The following KDM1A variants were observed in gnomAD, a reference collection of about 807,000 sequenced individuals.
The protein encoded by KDM1A is lysine demethylase 1A.
A neutral mutation model predicts 109.4 loss-of-function variants in KDM1A; 49 were observed. That is an observed-to-expected ratio of 0.45 (90% CI 0.36 to 0.57). The LOEUF (loss-of-function observed/expected upper bound fraction) is 0.57. Ranked by LOEUF, KDM1A falls within the 20% of genes least tolerant of loss-of-function variation. KDM1A has a pLI of 0.00. For missense variants in KDM1A, 668 were observed against 1,116.6 expected (o/e 0.60, Z 5.73); for synonymous variants, 380 against 415.4 (o/e 0.91, Z 1.04).
At chr1:23,081,663 T>TC in intron 19 of KDM1A, 90 bp downstream of exon 19, 1 of 1,461,434 alleles carries the variant, frequency 6.8e-7, no homozygotes, top group African/African-American at 1.4e-5. Context: ...TCAGGACAGT[T>TC]TAAGCTAGAA....
chr1:23,039,290 C>G (rs1642238591), intron 2 of KDM1A, among the ~76,000 whole-genome samples: 1 of 152,150 alleles, frequency 6.6e-6, no homozygotes, highest in Non-Finnish European at 1.5e-5. Context: ...TTTACCAAGT[C>G]TGTTGTAAAG....
intron 8 of KDM1A, among the ~76,000 whole-genome samples, 177 bp from the exon 9 acceptor site, chr1:23,058,896 T>G (rs1642917363): frequency 6.6e-6 from 1 of 152,202 alleles, no homozygotes; most frequent in African/African-American, 2.4e-5. Flanking sequence ...TAGGTAATTT[T>G]TTTGCCTTCA....
intron 6 of KDM1A, 138 bp downstream of exon 6, chr1:23,055,299 C>A (rs917118218): frequency 1.6e-5 from 5 of 305,754 alleles, no homozygotes; most frequent in African/African-American, 1.5e-4. Context: ...AGTTTATCTT[C>A]TTAAAGTCAA....
chr1:23,055,938 A>G lies in KDM1A; in HGVS notation c.890A>G (p.Lys297Arg). 1 of 1,603,242 alleles carries G rather than the reference A, an allele frequency of 6.2e-7. No homozygotes were observed. ...YKRIKPLPTK[K>R]TGKVIIIGSG... Reference sequence around the variant, plus strand: ...TTTCATTTTTTGCTTTTAGCTAAAAAGACAGGAAAGGTAATTATTATAGGC... The same window carrying G: ...TTTCATTTTTTGCTTTTAGCTAAAAGGACAGGAAAGGTAATTATTATAGGC... The change falls in exon 7 of 21, where the codon AAG becomes AGG. Residue 297 changes from lysine to arginine, a missense_variant. This residue lies in a region of KDM1A where 149 missense variants were observed against 189.7 expected (regional missense o/e 0.79). Transcript: ENST00000400181.
At chr1:23,044,714 G>A (rs141718127) in intron 3 of KDM1A, among the ~76,000 whole-genome samples, 6 of 152,234 alleles carry the variant, frequency 3.9e-5, no homozygotes, top group South Asian at 2.1e-4. Context: ...TTGTGTTTTC[G>A]AGGAGATGGC....
In KDM1A at chr1:23,083,377, C is replaced by G; in HGVS notation, c.*13C>G. On this transcript the variant is annotated 3_prime_UTR_variant, in exon 21 of 21. Coordinates refer to ENST00000400181, the MANE Select transcript of KDM1A (RefSeq NM_001009999.3). ...CCCAAGCATGTGAGACAGATGCATT[C>G]TAAGGGAAGAGGCCCATGTGCCTGT... The G allele has an allele frequency of 6.2e-7, 1 of 1,604,092 alleles. No homozygotes were observed. Among genetic ancestry groups the G allele is most frequent in the South Asian group, 1.1e-5 (1 of 90,226 alleles).
chr1:23,022,392 G>A (rs1641662936), intron 1 of KDM1A, among the ~76,000 whole-genome samples: 1 of 151,632 alleles, frequency 6.6e-6, no homozygotes. Flanking sequence ...CTGGAGTGCA[G>A]TGGCATGACC....
intron 1 of KDM1A, among the ~76,000 whole-genome samples, chr1:23,023,087 T>G (rs1007451610): frequency 1.3e-5 from 2 of 152,232 alleles, no homozygotes; most frequent in Non-Finnish European, 2.9e-5. Context: ...CATCTTTTCA[T>G]GTGTTTATTA....
At chr1:23,029,687 T>TC (rs1641918084) in intron 1 of KDM1A, among the ~76,000 whole-genome samples, 1 of 152,218 alleles carries the variant, frequency 6.6e-6, no homozygotes, top group African/African-American at 2.4e-5. Context: ...TTGCCCAGGC[T>TC]GCAGTGCAGT....
intron 20 of KDM1A, 147 bp from the exon 21 acceptor site, chr1:23,083,032 A>T: frequency 1.5e-6 from 1 of 677,330 alleles, no homozygotes; most frequent in Non-Finnish European, 2.5e-6. Flanking sequence ...CCTACTGATA[A>T]GGGAGACTCT....
chr1:23,078,440 A>AG (rs1266694511), intron 16 of KDM1A, among the ~76,000 whole-genome samples: 2 of 152,194 alleles, frequency 1.3e-5, no homozygotes, highest in African/African-American at 4.8e-5. Context: ...ATGTTAACAT[A>AG]ATTTCAGTAC....
chr1:23,073,298 A>C lies in KDM1A; in HGVS notation c.1629A>C (p.Val543=). 1.3e-6 allele frequency: 2 copies of C among 1,551,196 alleles called. No homozygotes were observed. Among genetic ancestry groups the C allele is most frequent in the South Asian group, 2.2e-5 (2 of 89,752 alleles). The change falls in exon 15 of 21, where the codon GTA becomes GTC. Residue 543 remains valine (V), a synonymous_variant. Transcript: ENST00000400181. The stretch of plus-strand genomic sequence containing the variant: ...GTCCTTTGTTCTTTTGCAGTGATGT[A>C]TATCTCTCATCAAGAGACAGACAAA... ...QELEANPPSD[V]YLSSRDRQIL...
At chr1:23,078,291 ATGT>A (rs1009583907) in intron 16 of KDM1A, among the ~76,000 whole-genome samples, 27 of 152,180 alleles carry the variant, frequency 1.8e-4, no homozygotes, top group African/African-American at 2.2e-4. Context: ...GTGAGAATAG[ATGT>A]TGTGCCATTT....
chr1:23,081,961 A>G (rs1251432149), intron 19 of KDM1A: 3 of 449,598 alleles, frequency 6.7e-6, no homozygotes, highest in Non-Finnish European at 1.2e-5. Flanking sequence ...TGAATTTATA[A>G]AAGAGAATAA....
At position 23,068,121 on chromosome 1, in the gene KDM1A, C is replaced by T. The variant is rs187189292; in HGVS notation, c.1180-418C>T. On this transcript the variant is annotated intron_variant, in intron 10 of 20. Transcript: ENST00000400181. The stretch of plus-strand genomic sequence containing the variant: ...TGGGCTTCTTATTTTCCCATCCTGC[C>T]CTTATTCTTGGAAGGTCCTCAGGTT... 1.3e-4 allele frequency among the ~76,000 whole-genome samples: 20 copies of T among 152,246 alleles called. No homozygotes were observed. The East Asian group carries it at 3.9e-3, about 29-fold the overall frequency.
At chr1:23,063,868 A>G (rs771142106) in intron 9 of KDM1A, among the ~76,000 whole-genome samples, 16 of 152,142 alleles carry the variant, frequency 1.1e-4, no homozygotes, top group African/African-American at 3.6e-4. Context: ...GGGGAAGACA[A>G]CAGTCTCTAT....
chr1:23,039,487 C>T (rs942567665), intron 2 of KDM1A, among the ~76,000 whole-genome samples: 7 of 152,154 alleles, frequency 4.6e-5, no homozygotes, highest in African/African-American at 1.7e-4. Flanking sequence ...ACTAAAATAG[C>T]ATTTGTTTTG....
intron 9 of KDM1A, among the ~76,000 whole-genome samples, chr1:23,065,812 CCTCA>C (rs1357110155): frequency 6.6e-6 from 1 of 151,888 alleles, no homozygotes; most frequent in African/African-American, 2.4e-5. Context: ...GACACTTCCC[CCTCA>C]CTCCCCTGTC....
intron 11 of KDM1A, 39 bp downstream of exon 11, chr1:23,068,720 A>C: frequency 7.0e-7 from 1 of 1,420,320 alleles, no homozygotes; most frequent in East Asian, 2.6e-5. Context: ...AGTGAGTTCC[A>C]TGTGTAAAGA....
Sources: gnomAD v4.1 joint callset for allele counts (sites outside exome capture counted in the v4.1 genomes callset) on GRCh38, gnomAD v4.1.1 for gene constraint, gnomAD v4.1.1 regional missense constraint, MANE v1.5 for transcripts, NCBI Gene and HGNC (gene_info 2026-07-23, HGNC 2026-07-21) for gene names.